The following ABCA7 variants were observed in gnomAD, a reference collection of about 807,000 sequenced individuals.
The protein encoded by ABCA7 is phospholipid-transporting ATPase ABCA7.
Under a neutral mutation model 227.6 loss-of-function variants are expected in ABCA7, and 261 were observed. That is an observed-to-expected ratio of 1.15 (90% CI 1.04 to 1.27). The LOEUF (loss-of-function observed/expected upper bound fraction) is 1.27. ABCA7 is among the 50% of genes most tolerant of loss of function. The pLI is 0.00. For synonymous variants in ABCA7, 1,488 were observed against 1,279.7 expected (o/e 1.16, Z -3.47); for missense variants, 3,331 against 2,924.5 (o/e 1.14, Z -3.21).
In ABCA7 at chr19:1,064,179, G is replaced by T. The variant is rs755819809; in HGVS notation, c.5970G>T (p.Ala1990=). 2.5e-5 allele frequency: 40 copies of T among 1,575,946 alleles called. No individual in the cohort carries two copies. The highest frequency in any genetic ancestry group is 5.5e-5 in the Admixed American group (3 of 54,616). Residue 1990 remains alanine, a synonymous_variant, in exon 45 of 47, where the codon GCG becomes GCT. Transcript: ENST00000263094. ...LTSHSMEECE[A]LCSRLAIMVN... ...CCGACAGCATGGAGGAGTGTGAAGC[G>T]CTCTGCTCGCGCCTGGCCATCATGG...
rs2039864133 is a variant in ABCA7 at position 1,040,137 on chromosome 19, G to T, written c.-197G>T. On this transcript the variant is annotated 5_prime_UTR_variant, in exon 1 of 47. Transcript: ENST00000263094. ...CAGCGCACTTGGCTTAAGGGGCGGC[G>T]CGCTCCCTGCCTGCTGCTGGGCGGA... 1 of 152,282 alleles carries T rather than the reference G, an allele frequency of 6.6e-6. No individual in the cohort carries two copies. The highest frequency in any genetic ancestry group is 6.5e-5 in the Admixed American group (1 of 15,288). The allele number at this position is 152,282 out of a possible 1,614,324, so 9.4% of individuals were successfully genotyped here. A position where few individuals can be genotyped will look rare whatever the true frequency, so the allele number is the denominator to read the frequency against.
chr19:1,049,366 C>A lies in ABCA7; in HGVS notation c.2481C>A (p.Leu827=). 1 of 1,611,520 alleles carries A rather than the reference C, an allele frequency of 6.2e-7. No homozygotes were observed. The highest frequency in any genetic ancestry group is 1.1e-5 in the South Asian group (1 of 91,064). The change falls in exon 18 of 47, where the codon CTC becomes CTA. Residue 827 remains leucine, a synonymous_variant. Coordinates refer to ENST00000263094, the MANE Select transcript of ABCA7 (RefSeq NM_019112.4). ...GCCCGCAGCCAGCCCTGCGGGGGCTCAGCCTGGACTTCTACCAGGGCCACA... is the reference window on the plus strand; with the variant it reads ...GCCCGCAGCCAGCCCTGCGGGGGCTAAGCCTGGACTTCTACCAGGGCCACA... ...PGSPQPALRG[L]SLDFYQGHIT... is the part of the protein sequence containing the mutation.
At chr19:1,055,643 C>T (rs147601310) in intron 30 of ABCA7, among the ~76,000 whole-genome samples, 2,676 of 151,832 alleles carry the variant, frequency 0.018, 73 homozygotes, top group African/African-American at 0.061. Context: ...GCTGGGATTA[C>T]AGGCACGCAC....
rs776765059 is a variant in ABCA7 at position 1,063,794 on chromosome 19, G to A, written c.5882G>A (p.Arg1961Gln). The part of the protein sequence containing the change: ...EPTTGMDPSA[R>Q]RFLWNSLLAV... ...ACCACAGGCATGGACCCCAGCGCGC[G>A]GCGCTTCCTTTGGAACAGCCTTTTG... The change falls in exon 44 of 47, where the codon CGG becomes CAG. Residue 1961 changes from arginine (R) to glutamine (Q), a missense_variant. Coordinates refer to ENST00000263094, the MANE Select transcript of ABCA7 (RefSeq NM_019112.4). 6 of 1,546,624 alleles carry A rather than the reference G, an allele frequency of 3.9e-6. No homozygotes were observed. In the African/African-American group the frequency reaches 4.1e-5, roughly 11 times the overall value.
In ABCA7 at chr19:1,063,761, AC is replaced by A. The variant is rs769207938; in HGVS notation, c.5850del (p.Asp1950GlufsTer29). ...TATGGGATCTTCCGTGCTCCCCAGG[AC>A]GAGCCGACCACAGGCATGGACCCCA... The part of the protein sequence containing the change: ...LVGDPAVVFL[D>X]EPTTGMDPSA... On this transcript the variant is annotated frameshift_variant and splice_region_variant, in exon 44 of 47. Transcript: ENST00000263094. LOFTEE classifies it high-confidence loss of function. 17 of 1,547,252 alleles carry A rather than the reference AC, an allele frequency of 1.1e-5. No homozygotes were observed. In the South Asian group the frequency reaches 2.0e-4, roughly 18 times the overall value.
Position 1,064,913 on chromosome 19 carries a change from T to G in ABCA7, c.6045-18T>G, listed in dbSNP as rs1401857657. 6 of 1,556,148 alleles carry G rather than the reference T, an allele frequency of 3.9e-6. No individual in the cohort carries two copies. Among genetic ancestry groups the G allele is most frequent in the Admixed American group, 1.9e-5 (1 of 52,546 alleles). Reference sequence around the variant, plus strand: ...TGGGAAAGGCCCGATCCGGTAGCCCTGGCCCCACTCACTGCAGATTCGCGG... The same window carrying G: ...TGGGAAAGGCCCGATCCGGTAGCCCGGGCCCCACTCACTGCAGATTCGCGG... On this transcript the variant is annotated intron_variant, in intron 45 of 46. Transcript: ENST00000263094.
chr19:1,061,829 T>A lies in ABCA7; in HGVS notation c.5511T>A (p.Phe1837Leu). 6.2e-7 allele frequency: 1 copy of A among 1,610,126 alleles called. No individual in the cohort carries two copies. Among genetic ancestry groups the A allele is most frequent in the Non-Finnish European group, 8.5e-7 (1 of 1,178,624 alleles). ...GVNGAGKTST[F>L]RMVTGDTLAS... The stretch of plus-strand genomic sequence containing the variant: ...ATGGAGCAGGGAAGACGTCCACGTT[T>A]CGCATGGTGACGGGGGACACATTGG... Residue 1837 changes from phenylalanine to leucine, a missense_variant, in exon 41 of 47, where the codon TTT becomes TTA. By Grantham distance (22) the Phe-to-Leu change is conservative. Transcript: ENST00000263094.
rs764158617 is a variant in ABCA7 at position 1,048,902 on chromosome 19, C to T, written c.2277C>T (p.Tyr759=). ...WYLEAVCPGQ[Y]GIPEPWNFPF... is the part of the protein sequence containing the mutation. ...CCGCGCCCCTCCCCGCAGGCCAGTA[C>T]GGGATCCCTGAACCATGGAATTTTC... is the stretch of plus-strand genomic sequence containing the variant. The change falls in exon 17 of 47, where the codon TAC becomes TAT. Residue 759 remains tyrosine, a synonymous_variant. Coordinates refer to ENST00000263094, the MANE Select transcript of ABCA7 (RefSeq NM_019112.4). The T allele has an allele frequency of 2.5e-6, 4 of 1,605,432 alleles. No homozygotes were observed. The highest frequency in any genetic ancestry group is 1.7e-5 in the Admixed American group (1 of 59,266).
rs1458854465 is a variant in ABCA7 at position 1,046,873 on chromosome 19, C to T, written c.1694C>T (p.Thr565Ile). The T allele has an allele frequency of 9.7e-6, 15 of 1,545,984 alleles. No individual in the cohort carries two copies. The highest frequency in any genetic ancestry group is 1.3e-5 in the Non-Finnish European group (15 of 1,150,414). ...GCCTGGATCTACTCCGTGACACTGA[C>T]AGTGAAGGCCGTGGTGCGGGAGAAG... is the stretch of plus-strand genomic sequence containing the variant. Reference protein sequence around the residue: ...TLAWIYSVTLTVKAVVREKET... With the variant: ...TLAWIYSVTLIVKAVVREKET... Residue 565 changes from threonine (T) to isoleucine (I), a missense_variant, in exon 14 of 47, where the codon ACA becomes ATA. By Grantham distance (89) the Thr-to-Ile change is moderately conservative. Transcript: ENST00000263094.
At chr19:1,048,831 C>G (rs2041039820) in intron 16 of ABCA7, 64 bp from the exon 17 acceptor site, 1 of 963,614 alleles carries the variant, frequency 1.0e-6, no homozygotes. Flanking sequence ...AAACAAAACC[C>G]CAAAAAAAGC....
In ABCA7 at chr19:1,064,618, G is replaced by GCTC. The variant is rs919527456; in HGVS notation, c.6045-313_6045-312insCTC. 5.8e-6 allele frequency: 3 copies of GCTC among 516,956 alleles called. No homozygotes were observed. The African/African-American group carries it at 6.0e-5, about 10-fold the overall frequency. 32.0% of individuals were successfully genotyped at this position (516,956 alleles called of 1,614,324 possible). ...CGGGGGTATTTATTGTGTGGGCGGG[G>GCTC]GTAGAGTGCAAGGGCGAAAGAGGAG... On this transcript the variant is annotated intron_variant, in intron 45 of 46. Coordinates refer to ENST00000263094, the MANE Select transcript of ABCA7 (RefSeq NM_019112.4).
chr19:1,041,129 A>C (rs2039992504), intron 1 of ABCA7, 96 bp from the exon 2 acceptor site: 3 of 594,330 alleles, frequency 5.0e-6, no homozygotes, highest in Admixed American at 5.8e-5. Context: ...ATCAGATGCG[A>C]GGACGGCTGC....
At chr19:1,058,486 C>T in intron 37 of ABCA7, 132 bp from the exon 38 acceptor site, 1 of 1,462,992 alleles carries the variant, frequency 6.8e-7, no homozygotes, top group Non-Finnish European at 9.2e-7. Context: ...GTTTTCTATG[C>T]CAATTAGACT....
Position 1,056,212 on chromosome 19 carries a change from C to A in ABCA7, c.4385C>A (p.Ala1462Asp). The change falls in exon 32 of 47, where the codon GCT becomes GAT. Residue 1462 changes from alanine (A) to aspartate (D), a missense_variant. Ala to Asp is a moderately radical substitution (Grantham distance 126). Coordinates refer to ENST00000263094, the MANE Select transcript of ABCA7 (RefSeq NM_019112.4). The surrounding 1 kb of genome is among the most constrained non-coding windows in gnomAD (Gnocchi z 4.3). ...DRVLKNLTAW[A>D]HSLDAQDSLK... ...GTCCTGAAAAACCTCACAGCCTGGG[C>A]TCACAGCCTGGATGCTCAGGACAGT... 1 of 1,602,024 alleles carries A rather than the reference C, an allele frequency of 6.2e-7. No homozygotes were observed. Among genetic ancestry groups the A allele is most frequent in the South Asian group, 1.1e-5 (1 of 90,006 alleles).
Position 1,043,818 on chromosome 19 carries a change from A to C in ABCA7, c.1024A>C (p.Ser342Arg). ...CCGGATCTTCACCTTCATGAACGACAGTTCCAATGTGGCCATGCTGCAGGT... is the reference window on the plus strand; with the variant it reads ...CCGGATCTTCACCTTCATGAACGACCGTTCCAATGTGGCCATGCTGCAGGT... ...GPRIFTFMNDSSNVAMLQRLL... is the reference protein window; with the variant it reads ...GPRIFTFMNDRSNVAMLQRLL... Residue 342 changes from serine to arginine, a missense_variant, in exon 10 of 47, where the codon AGT (serine) becomes CGT (arginine). Transcript: ENST00000263094. 6.2e-7 allele frequency: 1 copy of C among 1,609,196 alleles called. No homozygotes were observed. Among genetic ancestry groups the C allele is most frequent in the East Asian group, 2.2e-5 (1 of 44,656 alleles).
At chr19:1,050,392 A>G (rs2041451973) in intron 18 of ABCA7, among the ~76,000 whole-genome samples, 1 of 151,604 alleles carries the variant, frequency 6.6e-6, no homozygotes, top group African/African-American at 2.4e-5. Flanking sequence ...AGCCTGGGCA[A>G]CAGAGTGAGA....
chr19:1,054,962 C>A lies in ABCA7; in HGVS notation c.3950+84C>A. On this transcript the variant is annotated intron_variant, in intron 29 of 46. Coordinates refer to ENST00000263094, the MANE Select transcript of ABCA7 (RefSeq NM_019112.4). The surrounding 1 kb of genome is among the most constrained non-coding windows in gnomAD (Gnocchi z 4.8). ...TCCCTGGCCAGGGAGCCTCAGGGGGCACCTGGAGCATCCCCTGTGCCCACC... is the reference window on the plus strand; with the variant it reads ...TCCCTGGCCAGGGAGCCTCAGGGGGAACCTGGAGCATCCCCTGTGCCCACC... The A allele has an allele frequency of 6.5e-7, 1 of 1,545,008 alleles. No homozygotes were observed. The highest frequency in any genetic ancestry group is 8.8e-7 in the Non-Finnish European group (1 of 1,140,264).
Position 1,055,203 on chromosome 19 carries a change from C to A in ABCA7, c.4057C>A (p.Arg1353=). Residue 1353 remains arginine, a synonymous_variant, in exon 30 of 47, where the codon CGG becomes AGG. Coordinates refer to ENST00000263094, the MANE Select transcript of ABCA7 (RefSeq NM_019112.4). ...CTGCCAGTGTAGCCGGCCCGGTGCC[C>A]GGCGCCTGCTGCCCGACTGCCCGGC... ...PACQCSRPGA[R]RLLPDCPAAA... 1.2e-6 allele frequency: 2 copies of A among 1,610,688 alleles called. No homozygotes were observed. Among genetic ancestry groups the A allele is most frequent in the East Asian group, 2.2e-5 (1 of 44,704 alleles).
chr19:1,061,716 G>C, intron 40 of ABCA7, 66 bp from the exon 41 acceptor site: 2 of 935,172 alleles, frequency 2.1e-6, no homozygotes, highest in Middle Eastern at 3.0e-4. Context: ...AAAAAAAAAA[G>C]AAATCAGAGA....
Sources: gnomAD v4.1 joint callset for allele counts (sites outside exome capture counted in the v4.1 genomes callset) on GRCh38, gnomAD v4.1.1 for gene constraint, Gnocchi (gnomAD v3.1) non-coding constraint, MANE v1.5 for transcripts, NCBI Gene and HGNC (gene_info 2026-07-23, HGNC 2026-07-21) for gene names.